MYO9A: variants seen among roughly 807,000 people sequenced by gnomAD.
MYO9A encodes myosin IXA.
MYO9A carries 103 observed loss-of-function variants against 293.3 expected under a neutral mutation model. The observed-to-expected ratio is 0.35, with a 90% confidence interval of 0.30 to 0.41. MYO9A has a LOEUF of 0.41. Among genes scored for constraint, MYO9A ranks in the 10% least tolerant of loss-of-function variants. The pLI is 1.00. For synonymous variants in MYO9A, 1,001 were observed against 1,035.7 expected, an observed-to-expected ratio of 0.97 and a Z score of 0.64; for missense variants, 2,685 against 3,033.0, an observed-to-expected ratio of 0.89 and a Z score of 2.69.
At chr15:71,968,253 A>T (rs1596300652) in intron 12 of MYO9A, 128 bp from the exon 13 acceptor site, 1 of 694,004 alleles carries the variant, frequency 1.4e-6, no homozygotes, top group East Asian at 2.9e-5. Context: ...AAAAGTTTTC[A>T]CCTATATTAT....
intron 14 of MYO9A, among the ~76,000 whole-genome samples, chr15:71,955,997 C>T (rs1214535867): frequency 2.0e-5 from 3 of 151,640 alleles, no homozygotes; most frequent in African/African-American, 7.3e-5. Flanking sequence ...AATATGGAAA[C>T]TGTACTTCTT....
At chr15:72,084,406 C>T (rs893533208) in intron 1 of MYO9A, among the ~76,000 whole-genome samples, 4 of 151,928 alleles carry the variant, frequency 2.6e-5, no homozygotes, top group African/African-American at 9.7e-5. Flanking sequence ...ATGCACTACA[C>T]ACCTTAGTTT....
chr15:72,002,926 G>C (rs1310619286), intron 8 of MYO9A, among the ~76,000 whole-genome samples: 1 of 152,142 alleles, frequency 6.6e-6, no homozygotes, highest in East Asian at 1.9e-4. Flanking sequence ...AAATTAATAT[G>C]TAACAAGTAA....
At chr15:72,106,076 C>T (rs2080557466) in intron 1 of MYO9A, among the ~76,000 whole-genome samples, 1 of 152,080 alleles carries the variant, frequency 6.6e-6, no homozygotes, top group Admixed American at 6.5e-5. Flanking sequence ...AAAGAGAATA[C>T]ATATATTTTA....
chr15:72,019,132 G>A (rs765458358), intron 5 of MYO9A, 37 bp from the exon 6 acceptor site: 9 of 1,507,288 alleles, frequency 6.0e-6, no homozygotes, highest in East Asian at 2.3e-5. Flanking sequence ...AGAAGTAATG[G>A]TTATTATACT....
chr15:71,898,231 G>T lies in MYO9A; in HGVS notation c.4272C>A (p.Pro1424=), dbSNP rs1333565080. The T allele has an allele frequency of 3.1e-6, 5 of 1,613,894 alleles. No homozygotes were observed. In the African/African-American group the frequency reaches 6.7e-5, roughly 22 times the overall value. Residue 1424 remains proline, a synonymous_variant, in exon 25 of 42, where the codon CCC becomes CCA. Transcript: ENST00000356056. ...AATTTGTTTTCAGTGGGTCTTGTTGGGGGATATAAAAAAAAGTAGGTAGAC... is the reference window on the plus strand; with the variant it reads ...AATTTGTTTTCAGTGGGTCTTGTTGTGGGATATAAAAAAAAGTAGGTAGAC... The part of the protein sequence containing the change: ...SNSLPTFFYI[P]QQDPLKTNSQ...
chr15:72,098,128 T>C (rs781727763), intron 1 of MYO9A, among the ~76,000 whole-genome samples: 4 of 152,010 alleles, frequency 2.6e-5, no homozygotes, highest in African/African-American at 9.7e-5. Flanking sequence ...CTTTTCCCTA[T>C]GCTTCCTCCT....
At chr15:71,835,648 A>G (rs2054910225) in intron 39 of MYO9A, among the ~76,000 whole-genome samples, 1 of 152,206 alleles carries the variant, frequency 6.6e-6, no homozygotes, top group South Asian at 2.1e-4. Context: ...GAAGAGATAT[A>G]TCATGTTCAC....
intron 2 of MYO9A, among the ~76,000 whole-genome samples, chr15:72,037,577 T>C (rs2078093742): frequency 6.6e-6 from 1 of 152,080 alleles, no homozygotes; most frequent in Non-Finnish European, 1.5e-5. Context: ...ACTTCAGGCA[T>C]TTAAGGAAAT....
At chr15:71,927,430 C>G (rs1172611275) in intron 18 of MYO9A, among the ~76,000 whole-genome samples, 1 of 152,176 alleles carries the variant, frequency 6.6e-6, no homozygotes, top group Admixed American at 6.5e-5. Flanking sequence ...AAATCAACAG[C>G]CAGACCAATG....
intron 3 of MYO9A, among the ~76,000 whole-genome samples, chr15:72,031,868 A>C (rs1433271407): frequency 6.6e-6 from 1 of 152,178 alleles, no homozygotes; most frequent in East Asian, 1.9e-4. Flanking sequence ...AGGAAAATGT[A>C]GATTAGAAAA....
intron 39 of MYO9A, among the ~76,000 whole-genome samples, chr15:71,836,980 CTGTGTTTTGTA>C (rs370731218): frequency 1.5e-3 from 224 of 152,032 alleles, no homozygotes; most frequent in African/African-American, 4.7e-3. Context: ...GAATATGTTT[CTGTGTTTTGTA>C]TGTGTTTTGT....
chr15:71,863,177 G>A (rs893181325), intron 32 of MYO9A, among the ~76,000 whole-genome samples: 1 of 151,450 alleles, frequency 6.6e-6, no homozygotes, highest in Non-Finnish European at 1.5e-5. Context: ...CAAGTTATCC[G>A]CCTGCCTCAG....
intron 12 of MYO9A, chr15:71,972,322 C>T (rs1457094437): frequency 1.3e-5 from 2 of 152,146 alleles, no homozygotes; most frequent in African/African-American, 2.4e-5. Context: ...TTCATTGTAT[C>T]CTTTGCAATA....
intron 1 of MYO9A, among the ~76,000 whole-genome samples, chr15:72,092,942 CAG>C (rs1491484909): frequency 1.3e-5 from 2 of 150,582 alleles, no homozygotes; most frequent in Admixed American, 6.6e-5. Context: ...CACACACACA[CAG>C]AGATTTGAGG....
chr15:71,847,277 AT>A, intron 39 of MYO9A: 1 of 311,768 alleles, frequency 3.2e-6, no homozygotes, highest in South Asian at 2.6e-5. Flanking sequence ...GTGAAAGGTA[AT>A]CAAAAAGTAG....
intron 38 of MYO9A, 56 bp from the exon 39 acceptor site, chr15:71,849,024 G>GCACT (rs2055514732): frequency 6.8e-7 from 1 of 1,476,450 alleles, no homozygotes; most frequent in South Asian, 1.4e-5. Context: ...ATAAAGTATA[G>GCACT]CACTCACAGA....
At chr15:72,069,963 C>CA (rs34461691) in intron 1 of MYO9A, among the ~76,000 whole-genome samples, 6,463 of 134,170 alleles carry the variant, frequency 0.048, 246 homozygotes, top group East Asian at 0.19. Context: ...ACTAAAAATA[C>CA]AAAAAAAAAA....
chr15:72,048,186 G>C (rs1214337585), intron 1 of MYO9A, among the ~76,000 whole-genome samples: 4 of 151,828 alleles, frequency 2.6e-5, no homozygotes, highest in Non-Finnish European at 5.9e-5. Flanking sequence ...GATCACCTGA[G>C]GTCAGGAGTT....
Sources: allele counts gnomAD v4.1 joint callset (sites outside exome capture counted in the v4.1 genomes callset), GRCh38; gene constraint gnomAD v4.1.1; transcripts MANE v1.5; gene names NCBI Gene and HGNC (gene_info 2026-07-23, HGNC 2026-07-21).